Variants in PDLIM5 observed in about 807,000 individuals in gnomAD.
PDLIM5 encodes the protein PDZ and LIM domain protein 5.
PDLIM5 carries 34 observed loss-of-function variants against 64.2 expected under a neutral mutation model. The ratio of observed to expected loss-of-function variants is 0.53; its 90% CI spans 0.40 to 0.71. The LOEUF (loss-of-function observed/expected upper bound fraction) is 0.71. Among genes scored for constraint, PDLIM5 ranks in the 30% least tolerant of loss-of-function variants. The pLI is 0.00. For missense variants in PDLIM5, 683 were observed against 733.6 expected, an observed-to-expected ratio of 0.93 and a Z score of 0.80; for synonymous variants, 253 against 269.1, an observed-to-expected ratio of 0.94 and a Z score of 0.59.
intron 8 of PDLIM5, among the ~76,000 whole-genome samples, chr4:94,640,027 T>TA (rs759965302): frequency 0.011 from 1,562 of 142,914 alleles, 26 homozygotes; most frequent in African/African-American, 0.034. Context: ...AACTCTGTCT[T>TA]AAAAAAAAAA....
At chr4:94,563,930 A>G (rs965216475) in intron 3 of PDLIM5, among the ~76,000 whole-genome samples, 2 of 130,280 alleles carry the variant, frequency 1.5e-5, no homozygotes, top group Non-Finnish European at 3.4e-5. Flanking sequence ...TGCATTTAGC[A>G]ATTTTTCTTT....
In PDLIM5 at chr4:94,662,396, T is replaced by C. The variant is rs757051972; in HGVS notation, c.1586-26T>C. The C allele has an allele frequency of 3.9e-6, 4 of 1,038,258 alleles. No individual in the cohort carries two copies. The South Asian group carries it at 3.9e-5, about 10-fold the overall frequency. The allele number at this position is 1,038,258 out of a possible 1,614,324, so 64.3% of individuals were successfully genotyped here. A position where few individuals can be genotyped will look rare whatever the true frequency, so the allele number is the denominator to read the frequency against. On this transcript the variant is annotated intron_variant, in intron 11 of 12. Coordinates refer to ENST00000317968, the MANE Select transcript of PDLIM5 (RefSeq NM_006457.5). ...CTAAAACTTCATCATGTTTAAATTATGTCTCTCTGCCCTCCCTTAATACAG... is the reference window on the plus strand; with the variant it reads ...CTAAAACTTCATCATGTTTAAATTACGTCTCTCTGCCCTCCCTTAATACAG...
At chr4:94,488,022 C>T (rs1726508952) in intron 2 of PDLIM5, among the ~76,000 whole-genome samples, 3 of 152,234 alleles carry the variant, frequency 2.0e-5, no homozygotes, top group African/African-American at 4.8e-5. Flanking sequence ...CTAGATTCCC[C>T]CACCTTCCCA....
chr4:94,601,956 A>T (rs1318916848), intron 7 of PDLIM5, among the ~76,000 whole-genome samples: 2 of 152,216 alleles, frequency 1.3e-5, no homozygotes, highest in Admixed American at 6.5e-5. Flanking sequence ...TCACATGCCT[A>T]GCAGTTTCCT....
At chr4:94,618,889 A>G (rs578134289) in intron 8 of PDLIM5, among the ~76,000 whole-genome samples, 1 of 152,282 alleles carries the variant, frequency 6.6e-6, no homozygotes, top group East Asian at 1.9e-4. Flanking sequence ...GGAAAATGGG[A>G]CTGTACTTAA....
chr4:94,619,618 C>T (rs575997244), intron 8 of PDLIM5, among the ~76,000 whole-genome samples: 116 of 151,234 alleles, frequency 7.7e-4, no homozygotes, highest in South Asian at 7.1e-3. Flanking sequence ...CCAGCCTGGG[C>T]GACAGAGCGA....
intron 2 of PDLIM5, among the ~76,000 whole-genome samples, chr4:94,481,761 A>T (rs1274308569): frequency 1.3e-5 from 2 of 149,638 alleles, no homozygotes; most frequent in Non-Finnish European, 3.0e-5. Flanking sequence ...GGCGCCCGCC[A>T]CCACACCTGG....
intron 2 of PDLIM5, among the ~76,000 whole-genome samples, chr4:94,496,152 G>A (rs1219153165): frequency 6.6e-6 from 1 of 152,020 alleles, no homozygotes. Flanking sequence ...AAAAACAGAT[G>A]ATTTACATAT....
intron 3 of PDLIM5, among the ~76,000 whole-genome samples, chr4:94,553,605 C>T (rs1733008345): frequency 6.6e-6 from 1 of 152,138 alleles, no homozygotes; most frequent in Admixed American, 6.6e-5. Flanking sequence ...AATAGAGAAT[C>T]CACAGGGTCC....
intron 2 of PDLIM5, among the ~76,000 whole-genome samples, chr4:94,472,191 G>A (rs1419341386): frequency 6.6e-6 from 1 of 151,774 alleles, no homozygotes; most frequent in Non-Finnish European, 1.5e-5. Context: ...CACGCACCCT[G>A]TAGGTTTGGA....
rs67013211 is a variant in PDLIM5, at chr4:94,478,890, G to GTTTTTTTTTTTTTTTTTTTTT, written c.96+23513_96+23533dup. Among the ~76,000 whole-genome samples, 3 of 94,124 alleles carry GTTTTTTTTTTTTTTTTTTTTT rather than the reference G, an allele frequency of 3.2e-5. 1 individual carries two copies. The highest frequency in any genetic ancestry group is 1.3e-4 in the African/African-American group (3 of 22,340). The allele number at this position is 94,124 out of a possible 152,430, so 61.7% of individuals were successfully genotyped here. On this transcript the variant is annotated intron_variant, in intron 2 of 12. Coordinates refer to ENST00000317968, the MANE Select transcript of PDLIM5 (RefSeq NM_006457.5). Reference sequence around the variant, plus strand: ...CCAAAAGAAGGTAGGTGTGCTTGGTGTTTTTTTTTTTTTTTTTTTTTTTTT... The same window carrying GTTTTTTTTTTTTTTTTTTTTT: ...CCAAAAGAAGGTAGGTGTGCTTGGTGTTTTTTTTTTTTTTTTTTTTTTTTTTTTTTTTTTTTTTTTTTTTTT...
chr4:94,602,956 TAAC>T (rs1447884723), intron 7 of PDLIM5, among the ~76,000 whole-genome samples: 1 of 152,178 alleles, frequency 6.6e-6, no homozygotes, highest in Non-Finnish European at 1.5e-5. Flanking sequence ...CTTTTATTAT[TAAC>T]AAATGATTTA....
chr4:94,594,733 A>C (rs1736935627), intron 7 of PDLIM5, among the ~76,000 whole-genome samples: 1 of 152,116 alleles, frequency 6.6e-6, no homozygotes, highest in Non-Finnish European at 1.5e-5. Flanking sequence ...GTAGTTTCAA[A>C]TTTTTAATGC....
chr4:94,553,274 G>A lies in PDLIM5; in HGVS notation c.249-20077G>A, dbSNP rs1185292639. Reference sequence around the variant, plus strand: ...CAGGTGCATGCCAGAATGCCCGGCTGATTTTTGCATTTTTAATAGAGACAG... The same window carrying A: ...CAGGTGCATGCCAGAATGCCCGGCTAATTTTTGCATTTTTAATAGAGACAG... On this transcript the variant is annotated intron_variant, in intron 3 of 12. Transcript: ENST00000317968. Among the ~76,000 whole-genome samples, 4 of 151,900 alleles carry A rather than the reference G, an allele frequency of 2.6e-5. No homozygotes were observed. The East Asian group carries it at 7.8e-4, about 29-fold the overall frequency.
chr4:94,527,452 G>A (rs1043562996), intron 3 of PDLIM5, among the ~76,000 whole-genome samples: 1 of 152,154 alleles, frequency 6.6e-6, no homozygotes, highest in Non-Finnish European at 1.5e-5. Flanking sequence ...ACCTACAAGA[G>A]TACTTTTTCA....
At chr4:94,481,507 C>G (rs1578227477) in intron 2 of PDLIM5, among the ~76,000 whole-genome samples, 1 of 152,156 alleles carries the variant, frequency 6.6e-6, no homozygotes, top group East Asian at 1.9e-4. Context: ...TGATCTCGAT[C>G]TCCTGACCTC....
intron 3 of PDLIM5, among the ~76,000 whole-genome samples, chr4:94,566,233 T>G (rs768705072): frequency 6.6e-6 from 1 of 152,192 alleles, no homozygotes; most frequent in African/African-American, 2.4e-5. Context: ...CTATTTGGGC[T>G]TCTGTTTCCT....
chr4:94,453,011 A>G (rs2126067692), intron 1 of PDLIM5, among the ~76,000 whole-genome samples: 1 of 150,760 alleles, frequency 6.6e-6, no homozygotes. Flanking sequence ...TTTTTTTGTC[A>G]CTCTGTGTAG....
At chr4:94,601,296 A>ATC (rs1737470527) in intron 7 of PDLIM5, among the ~76,000 whole-genome samples, 1 of 152,148 alleles carries the variant, frequency 6.6e-6, no homozygotes, top group Non-Finnish European at 1.5e-5. Context: ...TCTCTGAGGT[A>ATC]TCTCTTATAA....
Sources: allele counts gnomAD v4.1 joint callset (sites outside exome capture counted in the v4.1 genomes callset), GRCh38; gene constraint gnomAD v4.1.1; transcripts MANE v1.5; gene names NCBI Gene and HGNC (gene_info 2026-07-23, HGNC 2026-07-21).